The following FBN1 variants were observed in gnomAD, a reference collection of about 807,000 sequenced individuals.
The protein encoded by FBN1 is fibrillin 1.
A neutral mutation model predicts 365.1 loss-of-function variants in FBN1; 29 were observed. The observed-to-expected ratio is 0.08, with a 90% CI of 0.06 to 0.11. The LOEUF is 0.11. Ranked by LOEUF, FBN1 falls within the 10% of genes least tolerant of loss-of-function variation. The pLI is 1.00. For missense variants in FBN1, 2,476 were observed against 3,703.2 expected (o/e 0.67, Z 8.60); for synonymous variants, 1,210 against 1,270.5 (o/e 0.95, Z 1.01).
intron 15 of FBN1, 128 bp downstream of exon 15, chr15:48,508,454 G>T: frequency 8.4e-7 from 1 of 1,193,148 alleles, no homozygotes; most frequent in Non-Finnish European, 1.2e-6. Context: ...GTTTCAGTCA[G>T]GTTTCCCAAA....
chr15:48,459,819 A>G (rs1158445072), intron 43 of FBN1, among the ~76,000 whole-genome samples: 1 of 152,234 alleles, frequency 6.6e-6, no homozygotes, highest in African/African-American at 2.4e-5. Context: ...ATTCCATGTA[A>G]GATAAAATTG....
chr15:48,443,799 G>A (rs529499950), intron 49 of FBN1, among the ~76,000 whole-genome samples: 3 of 152,246 alleles, frequency 2.0e-5, no homozygotes, highest in African/African-American at 7.2e-5. Flanking sequence ...TTGGGAGGCT[G>A]AGGAAGGAGG....
At chr15:48,487,495 A>T (rs2043519260) in intron 27 of FBN1, 58 bp from the exon 28 acceptor site, 1 of 1,606,088 alleles carries the variant, frequency 6.2e-7, no homozygotes, top group Admixed American at 1.7e-5. Context: ...CACCAGACCA[A>T]GCACTCCTCC....
At chr15:48,511,717 T>C (rs932949452) in intron 13 of FBN1, among the ~76,000 whole-genome samples, 3 of 152,186 alleles carry the variant, frequency 2.0e-5, no homozygotes, top group African/African-American at 7.2e-5. Flanking sequence ...CTCAACTTCT[T>C]ATTTTCAGGA....
chr15:48,488,723 T>C (rs749585915), intron 25 of FBN1, among the ~76,000 whole-genome samples: 2 of 152,216 alleles, frequency 1.3e-5, no homozygotes. Flanking sequence ...AAATAATGTG[T>C]CTATTCAGAC....
chr15:48,492,642 T>C, intron 23 of FBN1, 56 bp from the exon 24 acceptor site: 1 of 1,293,938 alleles, frequency 7.7e-7, no homozygotes, highest in Non-Finnish European at 1.1e-6. Flanking sequence ...CATTCTACCT[T>C]ATTCTACTCA....
intron 45 of FBN1, among the ~76,000 whole-genome samples, chr15:48,449,223 A>C (rs547277836): frequency 1.3e-5 from 2 of 152,318 alleles, no homozygotes; most frequent in Admixed American, 1.3e-4. Context: ...CAGACTGTGG[A>C]ATTAATTGAA....
rs57811526 is a variant in FBN1, at chr15:48,634,857, CCACACA to C, written c.164+9743_164+9748del. 8.7e-3 allele frequency among the ~76,000 whole-genome samples: 602 copies of C among 69,144 alleles called. 8 individuals carry two copies. Among genetic ancestry groups the C allele is most frequent in the African/African-American group, 0.024 (351 of 14,812 alleles). The allele number at this position is 69,144 out of a possible 152,430, so 45.4% of individuals were successfully genotyped here. ...AGAAACCAAAAAAAAAAAAAAAAAA[CCACACA>C]CACACACACACACACACACACACAC... is the stretch of plus-strand genomic sequence containing the variant. On this transcript the variant is annotated intron_variant, in intron 2 of 65. Transcript: ENST00000316623.
chr15:48,430,311 T>C (rs891153251), intron 56 of FBN1, among the ~76,000 whole-genome samples: 2 of 152,196 alleles, frequency 1.3e-5, no homozygotes, highest in African/African-American at 4.8e-5. Flanking sequence ...ACCTGGCATT[T>C]GTAGCAAAGC....
At chr15:48,437,133 AAATTATG>A in intron 52 of FBN1, 56 bp from the exon 53 acceptor site, 1 of 1,292,088 alleles carries the variant, frequency 7.7e-7, no homozygotes, top group Non-Finnish European at 1.1e-6. Flanking sequence ...ACGTGAAGAT[AAATTATG>A]ATCATTTCAG....
chr15:48,631,809 C>T (rs899981882), intron 2 of FBN1, among the ~76,000 whole-genome samples: 6 of 152,256 alleles, frequency 3.9e-5, no homozygotes, highest in Admixed American at 6.5e-5. Flanking sequence ...AATTAAAGCA[C>T]ATTTCAAGAA....
rs2141289788 is a variant in FBN1 at position 48,483,947 on chromosome 15, C to T, written c.3713-4G>A. ...TTATCTTCACACTCATCGATGTCTGCAAAGAATAAAACCAACAACCACAGG... is the reference window on the plus strand; with the variant it reads ...TTATCTTCACACTCATCGATGTCTGTAAAGAATAAAACCAACAACCACAGG... On this transcript the variant is annotated splice_polypyrimidine_tract_variant and splice_region_variant and intron_variant, in intron 30 of 65. Transcript: ENST00000316623. The T allele has an allele frequency of 6.2e-7, 1 of 1,612,248 alleles. No individual in the cohort carries two copies.
At chr15:48,621,796 G>C (rs1042811130) in intron 2 of FBN1, among the ~76,000 whole-genome samples, 1 of 151,068 alleles carries the variant, frequency 6.6e-6, no homozygotes, top group Non-Finnish European at 1.5e-5. Context: ...AGACCATCCT[G>C]CCTAACACAG....
chr15:48,610,053 G>A (rs1041128796), intron 4 of FBN1, among the ~76,000 whole-genome samples: 3 of 152,166 alleles, frequency 2.0e-5, no homozygotes, highest in East Asian at 1.9e-4. Context: ...CCATGGGGAC[G>A]GTCAAAGTTT....
chr15:48,597,190 T>C (rs2044522758), intron 5 of FBN1, among the ~76,000 whole-genome samples: 1 of 152,202 alleles, frequency 6.6e-6, no homozygotes, highest in South Asian at 2.1e-4. Context: ...ATATTTTCTA[T>C]ACATTTTTCC....
At chr15:48,497,233 G>A in intron 19 of FBN1, 33 bp downstream of exon 19, 1 of 1,613,704 alleles carries the variant, frequency 6.2e-7, no homozygotes, top group Non-Finnish European at 8.5e-7. Flanking sequence ...CATTATGCAG[G>A]CAATGTTTCA....
At chr15:48,460,123 T>G (rs1048612270) in intron 43 of FBN1, 123 bp downstream of exon 43, 3 of 735,786 alleles carry the variant, frequency 4.1e-6, no homozygotes, top group Non-Finnish European at 7.4e-6. Context: ...AATCAGTGTT[T>G]CAATAAAGTG....
In FBN1 at chr15:48,508,673, G is replaced by A. The variant is rs112366266; in HGVS notation, c.1746C>T (p.Cys582=). The change falls in exon 15 of 66, where the codon TGC becomes TGT. Residue 582 remains cysteine (C), a synonymous_variant. Transcript: ENST00000316623. ...CTTCATTGATACACATTCCATTAAG[G>A]CACATGTTCCTTATGCTGCATTCAT... is the stretch of plus-strand genomic sequence containing the variant. ...DMDECSIRNM[C]LNGMCINEDG... is the part of the protein sequence containing the mutation. 10,265 of 1,613,700 alleles carry A rather than the reference G, an allele frequency of 6.4e-3. 40 individuals are homozygous for A. The highest frequency in any genetic ancestry group is 7.8e-3 in the Non-Finnish European group (9,220 of 1,179,672).
At chr15:48,483,785 G>T in intron 31 of FBN1, 33 bp downstream of exon 31, 1 of 1,612,218 alleles carries the variant, frequency 6.2e-7, no homozygotes. Context: ...TGACTAACAA[G>T]ACAAGATGAA....
Sources: gnomAD v4.1 joint callset for allele counts (sites outside exome capture counted in the v4.1 genomes callset) on GRCh38, gnomAD v4.1.1 for gene constraint, MANE v1.5 for transcripts, NCBI Gene and HGNC (gene_info 2026-07-23, HGNC 2026-07-21) for gene names.